Variants in HERC3 observed in about 807,000 individuals in gnomAD.
The protein encoded by HERC3 is HECT and RLD domain containing E3 ubiquitin protein ligase 3, also known as probable E3 ubiquitin-protein ligase HERC3.
HERC3 carries 58 observed loss-of-function variants against 129.9 expected under a neutral mutation model. That is an observed-to-expected ratio of 0.45 (90% CI 0.36 to 0.56). The LOEUF (loss-of-function observed/expected upper bound fraction) is 0.56, where lower values mean the gene tolerates loss of function less well. HERC3 is among the 20% of genes least tolerant of loss of function. The pLI is 0.00. For synonymous variants in HERC3, 430 were observed against 451.0 expected, an observed-to-expected ratio of 0.95 and a Z score of 0.59; for missense variants, 835 against 1,244.2, an observed-to-expected ratio of 0.67 and a Z score of 4.95.
chr4:88,632,821 A>G (rs184233083), intron 3 of HERC3, among the ~76,000 whole-genome samples: 528 of 152,334 alleles, frequency 3.5e-3, no homozygotes, highest in Middle Eastern at 0.017. Context: ...CGGAGAGGAC[A>G]AAGGATGTAG....
rs745680665 is a variant in HERC3, at chr4:88,697,313, C to T, written c.2658-6785C>T. The T allele has an allele frequency of 3.7e-5, 59 of 1,611,950 alleles. No homozygotes were observed. The highest frequency in any genetic ancestry group is 5.0e-5 in the Admixed American group (3 of 59,806). On this transcript the variant is annotated intron_variant, in intron 23 of 25. Coordinates refer to ENST00000402738, the MANE Select transcript of HERC3 (RefSeq NM_014606.3). The stretch of plus-strand genomic sequence containing the variant: ...TCCTCCTCGTCTTCCCCCTCCTCCT[C>T]GTCATCCTCGTACTCCTCTTCCTCC...
At chr4:88,644,182 G>A (rs1036930837) in intron 3 of HERC3, among the ~76,000 whole-genome samples, 4 of 152,158 alleles carry the variant, frequency 2.6e-5, no homozygotes, top group East Asian at 1.9e-4. Context: ...TGGTGTTAAT[G>A]CAAAATGGGA....
At chr4:88,649,708 A>G (rs1729070691) in intron 3 of HERC3, 132 bp from the exon 4 acceptor site, 3 of 707,202 alleles carry the variant, frequency 4.2e-6, no homozygotes, top group South Asian at 4.0e-5. Flanking sequence ...GAAATTTATA[A>G]TCTCTATAAA....
chr4:88,597,480 G>A (rs1722526805), intron 2 of HERC3, among the ~76,000 whole-genome samples: 1 of 152,186 alleles, frequency 6.6e-6, no homozygotes, highest in African/African-American at 2.4e-5. Context: ...TGTGTGGGGA[G>A]GTATCCACAT....
At chr4:88,610,177 A>T (rs1724137171) in intron 3 of HERC3, among the ~76,000 whole-genome samples, 1 of 152,156 alleles carries the variant, frequency 6.6e-6, no homozygotes, top group Non-Finnish European at 1.5e-5. Flanking sequence ...TACCTGGGCC[A>T]GGTGCAGTGG....
At chr4:88,650,557 C>A (rs1729162722) in intron 4 of HERC3, among the ~76,000 whole-genome samples, 1 of 152,156 alleles carries the variant, frequency 6.6e-6, no homozygotes, top group East Asian at 1.9e-4. Flanking sequence ...AAGAGAACAT[C>A]CCAAATATTG....
chr4:88,672,230 T>G (rs1468086878), intron 16 of HERC3, among the ~76,000 whole-genome samples: 1 of 152,220 alleles, frequency 6.6e-6, no homozygotes, highest in Non-Finnish European at 1.5e-5. Context: ...TCTAGATTAT[T>G]ATGACAGTAG....
chr4:88,586,361 CTTT>C, the HERC3 span, among the ~76,000 whole-genome samples: 3 of 125,006 alleles, frequency 2.4e-5, no homozygotes, highest in Admixed American at 8.1e-5. Flanking sequence ...TTTTTTCTTT[CTTT>C]TTTTTTTTTT....
the HERC3 span, among the ~76,000 whole-genome samples, chr4:88,554,918 C>T: frequency 2.4e-4 from 37 of 152,138 alleles, no homozygotes; most frequent in African/African-American, 5.3e-4. Context: ...CTAATGTTTA[C>T]GGAGAGTCAA....
chr4:88,622,382 C>T (rs972009453), intron 3 of HERC3, among the ~76,000 whole-genome samples: 1 of 152,124 alleles, frequency 6.6e-6, no homozygotes, highest in Non-Finnish European at 1.5e-5. Context: ...ATACTTTTAT[C>T]AGTTGATAGA....
intron 3 of HERC3, among the ~76,000 whole-genome samples, chr4:88,634,997 AG>A: frequency 6.6e-6 from 1 of 152,294 alleles, no homozygotes; most frequent in South Asian, 2.1e-4. Context: ...TCCTTATCCA[AG>A]GGTTAGCAGG....
intron 3 of HERC3, among the ~76,000 whole-genome samples, chr4:88,612,110 G>A (rs905050182): frequency 2.6e-5 from 4 of 152,176 alleles, no homozygotes; most frequent in African/African-American, 9.7e-5. Context: ...TTCTGTAGAT[G>A]TGCCAGAGCA....
chr4:88,667,414 G>A lies in HERC3; in HGVS notation c.1369G>A (p.Gly457Arg). 6.2e-7 allele frequency: 1 copy of A among 1,608,310 alleles called. No homozygotes were observed. The highest frequency in any genetic ancestry group is 8.5e-7 in the Non-Finnish European group (1 of 1,177,232). ...EHFKTSPKIP[G>R]IDLNSTRVLF... Reference sequence around the variant, plus strand: ...TTTTAAAACGAGTCCCAAAATCCCTGGGATTGACCTGAACTCAACTAGGGT... The same window carrying A: ...TTTTAAAACGAGTCCCAAAATCCCTAGGATTGACCTGAACTCAACTAGGGT... Residue 457 changes from glycine to arginine, a missense_variant, in exon 13 of 26, where the codon GGG becomes AGG. Transcript: ENST00000402738.
chr4:88,662,359 TG>T, intron 10 of HERC3, 71 bp from the exon 11 acceptor site: 1 of 1,421,658 alleles, frequency 7.0e-7, no homozygotes, highest in African/African-American at 1.4e-5. Flanking sequence ...GGAGAATATG[TG>T]GGAGAAAGGA....
chr4:88,682,291 C>T (rs1732864512), intron 21 of HERC3, among the ~76,000 whole-genome samples: 1 of 151,952 alleles, frequency 6.6e-6, no homozygotes, highest in Admixed American at 6.6e-5. Flanking sequence ...AGTAGAGCCA[C>T]ATTTTTTTTA....
At chr4:88,576,576 A>G in the HERC3 span, among the ~76,000 whole-genome samples, 2 of 152,042 alleles carry the variant, frequency 1.3e-5, no homozygotes, top group East Asian at 3.8e-4. Flanking sequence ...TTTTGACTTA[A>G]ATGTTTTCTC....
Position 88,707,141 on chromosome 4 carries a change from T to C in HERC3, c.*181T>C, listed in dbSNP as rs527295750. On this transcript the variant is annotated 3_prime_UTR_variant, in exon 26 of 26. Transcript: ENST00000402738. ...AGCAGTAAACAACCTTTTTGAAAAA[T>C]TAGAGGTTGGGGATGGGGTGAAAAA... 4.9e-6 allele frequency: 3 copies of C among 609,490 alleles called. No individual in the cohort carries two copies. In the Admixed American group the frequency reaches 9.2e-5, roughly 19 times the overall value. 37.8% of individuals were successfully genotyped at this position (609,490 alleles called of 1,614,324 possible). A position where few individuals can be genotyped will look rare whatever the true frequency, so the allele number is the denominator to read the frequency against.
the HERC3 span, among the ~76,000 whole-genome samples, chr4:88,578,447 A>AG: frequency 7.3e-5 from 11 of 151,508 alleles, no homozygotes; most frequent in African/African-American, 1.7e-4. Context: ...CTGGGTGTGG[A>AG]GGGGGGCGCC....
At chr4:88,670,336 T>C (rs1012239799) in intron 16 of HERC3, 84 bp downstream of exon 16, 2 of 872,396 alleles carry the variant, frequency 2.3e-6, no homozygotes, top group Non-Finnish European at 1.8e-6. Flanking sequence ...TCTTTGACTT[T>C]GATGTCAGTG....
Sources: allele counts gnomAD v4.1 joint callset (sites outside exome capture counted in the v4.1 genomes callset), GRCh38; gene constraint gnomAD v4.1.1; transcripts MANE v1.5; gene names NCBI Gene and HGNC (gene_info 2026-07-23, HGNC 2026-07-21).